The following RBFOX1 variants were observed in gnomAD, a reference collection of about 807,000 sequenced individuals.
RBFOX1 encodes RNA binding fox-1 homolog 1.
RBFOX1 carries 8 observed loss-of-function variants against 57.7 expected under a neutral mutation model. The ratio of observed to expected loss-of-function variants is 0.14; its 90% CI spans 0.08 to 0.25. The LOEUF is 0.25. Ranked by LOEUF, RBFOX1 falls within the 10% of genes least tolerant of loss-of-function variation. The probability of loss-of-function intolerance (pLI) is 1.00; values close to 1 mark genes in which losing one functional copy is unlikely to be tolerated. For synonymous variants in RBFOX1, 326 were observed against 222.4 expected (o/e 1.47, Z -4.15); for missense variants, 611 against 548.5 (o/e 1.11, Z -1.14).
At chr16:6,746,111 G>T (rs988324577) in intron 3 of RBFOX1, among the ~76,000 whole-genome samples, 51 of 152,158 alleles carry the variant, frequency 3.4e-4, no homozygotes, top group Non-Finnish European at 1.0e-4. Context: ...ATAGCTGAGA[G>T]GAGTTGAAAG....
intron 4 of RBFOX1, among the ~76,000 whole-genome samples, chr16:7,191,854 C>T (rs1447107682): frequency 2.0e-5 from 3 of 152,154 alleles, no homozygotes; most frequent in Non-Finnish European, 2.9e-5. Flanking sequence ...TTTTATTAAC[C>T]ATCACCAGGC....
chr16:6,992,702 C>G (rs1193687963), intron 3 of RBFOX1, among the ~76,000 whole-genome samples: 1 of 152,062 alleles, frequency 6.6e-6, no homozygotes, highest in African/African-American at 2.4e-5. Flanking sequence ...CAGAAACCAG[C>G]TAATGATTTT....
intron 4 of RBFOX1, among the ~76,000 whole-genome samples, chr16:7,292,209 TATATATG>T (rs1330490577): frequency 1.6e-4 from 17 of 105,018 alleles, no homozygotes; most frequent in South Asian, 3.2e-4. Context: ...TTATATATCA[TATATATG>T]ATATATGATA....
intron 1 of RBFOX1, among the ~76,000 whole-genome samples, chr16:6,031,521 C>G (rs148339913): frequency 4.9e-4 from 74 of 152,302 alleles, no homozygotes; most frequent in African/African-American, 1.7e-3. Context: ...GTGTGTGCCT[C>G]TGTGTGTGCA....
At chr16:6,997,276 A>C (rs973184578) in intron 3 of RBFOX1, among the ~76,000 whole-genome samples, 1 of 152,162 alleles carries the variant, frequency 6.6e-6, no homozygotes, top group Non-Finnish European at 1.5e-5. Context: ...CTAGTAAAAA[A>C]AAGTCTGCCA....
chr16:7,007,580 C>A (rs1476905092), intron 3 of RBFOX1, among the ~76,000 whole-genome samples: 1 of 152,162 alleles, frequency 6.6e-6, no homozygotes, highest in Non-Finnish European at 1.5e-5. Context: ...TTGTTAAACA[C>A]CCTCCCATCC....
intron 4 of RBFOX1, among the ~76,000 whole-genome samples, chr16:6,011,930 G>A (rs1228116635): frequency 2.6e-5 from 4 of 152,140 alleles, no homozygotes; most frequent in Non-Finnish European, 4.4e-5. Context: ...TGAGAGGAGT[G>A]AACTACAATA....
chr16:6,617,199 G>C lies in RBFOX1; in HGVS notation c.-63-37404G>C, dbSNP rs2098155697. 2.0e-5 allele frequency among the ~76,000 whole-genome samples: 3 copies of C among 151,658 alleles called. 1 individual carries two copies. In the South Asian group the frequency reaches 6.3e-4, roughly 32 times the overall value. ...GTCCACCTTGATCTCATCTGTATAG[G>C]GTTCAGTGAAACTTCTGCTTGGAAA... is the stretch of plus-strand genomic sequence containing the variant. On this transcript the variant is annotated intron_variant, in intron 2 of 15. Transcript: ENST00000550418.
At chr16:6,062,536 T>G (rs939385991) in intron 1 of RBFOX1, among the ~76,000 whole-genome samples, 5 of 150,038 alleles carry the variant, frequency 3.3e-5, no homozygotes, top group African/African-American at 1.2e-4. Context: ...CAATATCAAA[T>G]TATATATTTG....
chr16:6,860,473 G>GTA (rs1481918283), intron 3 of RBFOX1, among the ~76,000 whole-genome samples: 2 of 152,190 alleles, frequency 1.3e-5, no homozygotes, highest in Non-Finnish European at 2.9e-5. Flanking sequence ...TGATGGAAGA[G>GTA]TATATTGATG....
At chr16:6,886,940 C>G (rs1032696675) in intron 3 of RBFOX1, among the ~76,000 whole-genome samples, 6 of 151,848 alleles carry the variant, frequency 4.0e-5, no homozygotes, top group African/African-American at 1.5e-4. Flanking sequence ...AAAACCGTGT[C>G]TTTGTAATCA....
intron 3 of RBFOX1, among the ~76,000 whole-genome samples, chr16:6,655,583 A>T (rs1248242467): frequency 6.6e-6 from 1 of 152,114 alleles, no homozygotes; most frequent in East Asian, 1.9e-4. Flanking sequence ...CCGTTAGACA[A>T]TTGTTTGTTA....
intron 3 of RBFOX1, among the ~76,000 whole-genome samples, chr16:7,033,477 G>A (rs556463850): frequency 3.9e-5 from 6 of 152,260 alleles, no homozygotes; most frequent in South Asian, 2.1e-4. Context: ...CCAAGATTGC[G>A]CCACTGCAGT....
chr16:7,270,529 C>A, intron 4 of RBFOX1, among the ~76,000 whole-genome samples: 2 of 152,318 alleles, frequency 1.3e-5, no homozygotes, highest in Middle Eastern at 6.8e-3. Context: ...CAGTTTCAGA[C>A]CTTCTTGCAA....
chr16:7,536,631 T>C (rs1257361361), intron 5 of RBFOX1, among the ~76,000 whole-genome samples: 1 of 151,918 alleles, frequency 6.6e-6, no homozygotes, highest in Non-Finnish European at 1.5e-5. Context: ...AAGAAAGACA[T>C]GCAGAGAAAG....
intron 2 of RBFOX1, among the ~76,000 whole-genome samples, chr16:5,494,978 C>T (rs2042955485): frequency 6.6e-6 from 1 of 152,162 alleles, no homozygotes; most frequent in African/African-American, 2.4e-5. Context: ...TAGAAAATCC[C>T]AGGCATCAGT....
intron 3 of RBFOX1, among the ~76,000 whole-genome samples, chr16:6,838,136 C>G (rs188860398): frequency 6.6e-6 from 1 of 152,098 alleles, no homozygotes; most frequent in East Asian, 1.9e-4. Context: ...GGTTTAAAGC[C>G]CCACATGCAT....
At chr16:5,909,818 G>A (rs1239405581) in intron 4 of RBFOX1, among the ~76,000 whole-genome samples, 1 of 152,102 alleles carries the variant, frequency 6.6e-6, no homozygotes, top group Admixed American at 6.6e-5. Flanking sequence ...TTGGGAGACC[G>A]CGGCGGGCAG....
chr16:7,112,679 G>GTGTGTGTGTGTGTGTGT (rs369771164), intron 4 of RBFOX1, among the ~76,000 whole-genome samples: 8,754 of 141,630 alleles, frequency 0.062, 544 homozygotes, highest in South Asian at 0.13. Flanking sequence ...TGTGTGTGTG[G>GTGTGTGTGTGTGTGTGT]GTGTGGGTGT....
Sources: gnomAD v4.1 joint callset for allele counts (sites outside exome capture counted in the v4.1 genomes callset) on GRCh38, gnomAD v4.1.1 for gene constraint, MANE v1.5 for transcripts, NCBI Gene and HGNC (gene_info 2026-07-23, HGNC 2026-07-21) for gene names.